Variants in NMBR observed in about 807,000 individuals in gnomAD.
The protein encoded by NMBR is neuromedin B receptor, also known as neuromedin-B receptor.
In NMBR, 16 loss-of-function variants were observed where a neutral mutation model predicts 20.5. That is an observed-to-expected ratio of 0.78 (90% confidence interval 0.53 to 1.19). The LOEUF is 1.19. Among genes scored for constraint, NMBR ranks in the 50% most tolerant of loss-of-function variants. NMBR has a pLI of 0.00. For synonymous variants in NMBR, 212 were observed against 196.6 expected, an observed-to-expected ratio of 1.08 and a Z score of -0.65; for missense variants, 582 against 499.1, an observed-to-expected ratio of 1.17 and a Z score of -1.58.
chr6:142,121,079 A>G (rs1260202127), intron 1 of NMBR, among the ~76,000 whole-genome samples: 1 of 151,938 alleles, frequency 6.6e-6, no homozygotes, highest in African/African-American at 2.4e-5. Flanking sequence ...TGATTATTAC[A>G]TCTTTTATGA....
At chr6:142,094,936 T>C (rs891629940) in intron 1 of NMBR, among the ~76,000 whole-genome samples, 3 of 152,218 alleles carry the variant, frequency 2.0e-5, no homozygotes, top group Non-Finnish European at 4.4e-5. Flanking sequence ...AATTCACTCA[T>C]GATTTGGTTC....
intron 1 of NMBR, among the ~76,000 whole-genome samples, chr6:142,146,608 CAGAAAAAAAAAAGGTGATCTACAG>C (rs1778442439): frequency 6.6e-6 from 1 of 150,752 alleles, no homozygotes; most frequent in Non-Finnish European, 1.5e-5. Flanking sequence ...AATCACTCTC[CAGAAAAAAAAAAGGTGATCTACAG>C]ATTATTCATT....
chr6:142,141,729 T>C (rs1410657450), intron 1 of NMBR, among the ~76,000 whole-genome samples: 1 of 152,132 alleles, frequency 6.6e-6, no homozygotes, highest in Non-Finnish European at 1.5e-5. Context: ...TGTCTCGAAC[T>C]CCTGACCCCG....
chr6:142,084,578 T>C (rs924121852), intron 2 of NMBR, among the ~76,000 whole-genome samples: 4 of 152,202 alleles, frequency 2.6e-5, no homozygotes, highest in African/African-American at 9.6e-5. Flanking sequence ...AAAGAATTGA[T>C]ATCTAGTTTT....
intron 1 of NMBR, among the ~76,000 whole-genome samples, chr6:142,100,552 G>A (rs1325484994): frequency 6.6e-6 from 1 of 152,180 alleles, no homozygotes; most frequent in Non-Finnish European, 1.5e-5. Flanking sequence ...ACTGGAGGAG[G>A]AAAGGACAAA....
At chr6:142,144,953 T>C (rs1477739991) in intron 1 of NMBR, among the ~76,000 whole-genome samples, 1 of 136,462 alleles carries the variant, frequency 7.3e-6, no homozygotes, top group Non-Finnish European at 1.5e-5. Context: ...AGCCCAGGAG[T>C]CCAAGACTGC....
intron 1 of NMBR, among the ~76,000 whole-genome samples, chr6:142,125,512 C>CACATATACATGTGCATGCAG (rs1211570455): frequency 1.3e-5 from 1 of 76,876 alleles, no homozygotes; most frequent in Admixed American, 1.1e-4. Flanking sequence ...CATATACATA[C>CACATATACATGTGCATGCAG]ATACACAATT....
At position 142,147,099 on chromosome 6, in the gene NMBR, T is replaced by A. The variant is rs1162122742; in HGVS notation, c.-719A>T. The A allele has an allele frequency of 1.7e-6, 1 of 604,294 alleles. No individual in the cohort carries two copies. Among genetic ancestry groups the A allele is most frequent in the East Asian group, 2.8e-5 (1 of 36,164 alleles). The allele number at this position is 604,294 out of a possible 1,614,324, so 37.4% of individuals were successfully genotyped here. On this transcript the variant is annotated 5_prime_UTR_variant, in exon 1 of 4. Transcript: ENST00000258042. Reference sequence around the variant, plus strand: ...TAAGCGCCAAAATGCTCGGGTCTTCTGTGGGTTCTAACCGCCGAGAGCCAA... The same window carrying A: ...TAAGCGCCAAAATGCTCGGGTCTTCAGTGGGTTCTAACCGCCGAGAGCCAA...
At position 142,088,521 on chromosome 6, in the gene NMBR, G is replaced by C. The variant is rs117568543; in HGVS notation, c.138C>G (p.Ile46Met). ...TTTELVIRCVIPSLYLLIITV... is the reference protein window; with the variant it reads ...TTTELVIRCVMPSLYLLIITV... ...TGATGATGAGCAGGTAGAGGGACGGGATCACACAGCGGATCACCAACTCCG... is the reference window on the plus strand; with the variant it reads ...TGATGATGAGCAGGTAGAGGGACGGCATCACACAGCGGATCACCAACTCCG... Residue 46 changes from isoleucine (I) to methionine (M), a missense_variant, in exon 2 of 4, where the codon ATC becomes ATG. Transcript: ENST00000258042. 1 of 1,613,942 alleles carries C rather than the reference G, an allele frequency of 6.2e-7. No individual in the cohort carries two copies. The highest frequency in any genetic ancestry group is 1.3e-5 in the African/African-American group (1 of 74,886).
At chr6:142,087,122 G>C (rs1416516134) in intron 2 of NMBR, among the ~76,000 whole-genome samples, 1 of 152,322 alleles carries the variant, frequency 6.6e-6, no homozygotes, top group East Asian at 1.9e-4. Context: ...ATCATTTTCA[G>C]TTTCTCAAGT....
At chr6:142,126,838 A>G (rs1245614667) in intron 1 of NMBR, among the ~76,000 whole-genome samples, 1 of 137,434 alleles carries the variant, frequency 7.3e-6, no homozygotes, top group Non-Finnish European at 1.5e-5. Context: ...TATCAGATAT[A>G]CAGTTTGCAA....
chr6:142,081,510 T>C (rs1007088810), intron 2 of NMBR, among the ~76,000 whole-genome samples: 1 of 152,154 alleles, frequency 6.6e-6, no homozygotes, highest in Non-Finnish European at 1.5e-5. Context: ...TGATATTCTC[T>C]GAATGATACA....
intron 1 of NMBR, among the ~76,000 whole-genome samples, chr6:142,127,075 C>A (rs1255584061): frequency 6.6e-6 from 1 of 151,782 alleles, no homozygotes; most frequent in East Asian, 1.9e-4. Flanking sequence ...CAGACCCATG[C>A]GAAGAAGCTT....
chr6:142,079,049 A>G lies in NMBR; in HGVS notation c.423-146T>C, dbSNP rs1426010294. ...GAGAGAAAGAAAGAAAGAGAGAAAG[A>G]AAGAGAGAAAGAGAGAGAGAAAGAG... On this transcript the variant is annotated intron_variant, in intron 2 of 3. Coordinates refer to ENST00000258042, the MANE Select transcript of NMBR (RefSeq NM_002511.4). 1.5e-5 allele frequency: 7 copies of G among 467,040 alleles called. 1 individual carries two copies. Among genetic ancestry groups the G allele is most frequent in the Middle Eastern group, 5.7e-4 (1 of 1,762 alleles). 28.9% of individuals were successfully genotyped at this position (467,040 alleles called of 1,614,324 possible). A position where few individuals can be genotyped will look rare whatever the true frequency, so the allele number is the denominator to read the frequency against.
At chr6:142,086,026 T>C (rs1368259374) in intron 2 of NMBR, among the ~76,000 whole-genome samples, 1 of 151,894 alleles carries the variant, frequency 6.6e-6, no homozygotes, top group East Asian at 1.9e-4. Flanking sequence ...GTACTCTTTT[T>C]TTTTTTTTTT....
intron 1 of NMBR, among the ~76,000 whole-genome samples, chr6:142,123,172 C>T (rs1342380476): frequency 6.6e-6 from 1 of 151,794 alleles, no homozygotes; most frequent in African/African-American, 2.4e-5. Context: ...GAAGTTGATT[C>T]CAAACCTCAT....
chr6:142,103,843 A>G (rs992069468), intron 1 of NMBR, among the ~76,000 whole-genome samples: 5 of 152,170 alleles, frequency 3.3e-5, no homozygotes, highest in African/African-American at 1.2e-4. Flanking sequence ...TTTATAAACC[A>G]ATTAATCAAT....
intron 1 of NMBR, among the ~76,000 whole-genome samples, chr6:142,095,350 A>T (rs4896577): frequency 0.09 from 13,635 of 152,052 alleles, 686 homozygotes; most frequent in Admixed American, 0.16. Flanking sequence ...TTATTGAGAG[A>T]TTTTAGCATG....
At chr6:142,122,766 G>C (rs1777966119) in intron 1 of NMBR, among the ~76,000 whole-genome samples, 1 of 151,876 alleles carries the variant, frequency 6.6e-6, no homozygotes, top group Admixed American at 6.6e-5. Flanking sequence ...GCCTAGATGA[G>C]AGAATATCTG....
Sources: allele counts gnomAD v4.1 joint callset (sites outside exome capture counted in the v4.1 genomes callset), GRCh38; gene constraint gnomAD v4.1.1; transcripts MANE v1.5; gene names NCBI Gene and HGNC (gene_info 2026-07-23, HGNC 2026-07-21).